Variants in VAT1L observed in about 807,000 individuals in gnomAD.
The protein encoded by VAT1L is vesicle amine transport 1 like.
VAT1L carries 34 observed loss-of-function variants against 44.1 expected under a neutral mutation model. That is an observed-to-expected ratio of 0.77 (90% CI 0.59 to 1.03). VAT1L has a LOEUF of 1.03. Among genes scored for constraint, VAT1L ranks in the 50% least tolerant of loss-of-function variants. VAT1L has a pLI of 0.00. For missense variants in VAT1L, 615 were observed against 538.8 expected (o/e 1.14, Z -1.40); for synonymous variants, 253 against 202.2 (o/e 1.25, Z -2.13).
At chr16:77,974,490 A>C (rs1361968454) in intron 8 of VAT1L, among the ~76,000 whole-genome samples, 1 of 152,178 alleles carries the variant, frequency 6.6e-6, no homozygotes. Context: ...ATGCTGAAAA[A>C]TCCACCTTTC....
rs1567497956 is a variant in VAT1L at position 77,884,755 on chromosome 16, C to A, written c.1030C>A (p.Gln344Lys). 2.5e-6 allele frequency: 4 copies of A among 1,586,540 alleles called. No individual in the cohort carries two copies. Among genetic ancestry groups the A allele is most frequent in the Non-Finnish European group, 3.4e-6 (4 of 1,167,182 alleles). Residue 344 changes from glutamine (Q) to lysine (K), a missense_variant, in exon 7 of 9, where the codon CAG becomes AAG. Coordinates refer to ENST00000302536, the MANE Select transcript of VAT1L (RefSeq NM_020927.3). The surrounding 1 kb of genome is among the most constrained non-coding windows in gnomAD (Gnocchi z 4.5). ...GGAAAAACTCATAGGGCTCTACAAC[C>A]AGAAGAAGATCAAGCCTGTGGTGGA... The part of the protein sequence containing the change: ...VVEKLIGLYN[Q>K]KKIKPVVDSL...
At chr16:77,894,433 C>T (rs529457217) in intron 7 of VAT1L, among the ~76,000 whole-genome samples, 108 of 152,270 alleles carry the variant, frequency 7.1e-4, no homozygotes, top group African/African-American at 2.5e-3. Flanking sequence ...GACAGGCCAA[C>T]AGCCAGCACA....
chr16:77,902,474 C>G (rs1033324563), intron 7 of VAT1L, among the ~76,000 whole-genome samples: 1 of 151,918 alleles, frequency 6.6e-6, no homozygotes, highest in Non-Finnish European at 1.5e-5. Context: ...GAATTAAAAT[C>G]AAAACCAATT....
At chr16:77,941,313 T>C (rs2017880574) in intron 7 of VAT1L, among the ~76,000 whole-genome samples, 3 of 152,304 alleles carry the variant, frequency 2.0e-5, no homozygotes, top group Admixed American at 2.0e-4. Flanking sequence ...TAGAATCTCC[T>C]GCTGCCATTC....
chr16:77,898,065 T>TC (rs1567501942), intron 7 of VAT1L, among the ~76,000 whole-genome samples: 6 of 152,100 alleles, frequency 3.9e-5, no homozygotes, highest in African/African-American at 1.4e-4. Context: ...GCATCTCTCT[T>TC]AGGTCTGGCA....
chr16:77,859,079 G>A (rs1282762942), intron 3 of VAT1L, among the ~76,000 whole-genome samples: 2 of 151,488 alleles, frequency 1.3e-5, no homozygotes, highest in African/African-American at 2.4e-5. Context: ...AGGTTGTGGT[G>A]AGCTAAGATC....
At chr16:77,917,753 G>C (rs1400818855) in intron 7 of VAT1L, among the ~76,000 whole-genome samples, 1 of 152,154 alleles carries the variant, frequency 6.6e-6, no homozygotes, top group Non-Finnish European at 1.5e-5. Context: ...GAATGTAAGA[G>C]AGATTATTAC....
intron 1 of VAT1L, among the ~76,000 whole-genome samples, chr16:77,798,167 ACTTCT>A (rs1193182636): frequency 1.3e-5 from 2 of 152,110 alleles, no homozygotes; most frequent in Non-Finnish European, 2.9e-5. Flanking sequence ...CTCACTCTTG[ACTTCT>A]CTAAATAACT....
chr16:77,877,512 CAAAA>C (rs55704400), intron 5 of VAT1L, among the ~76,000 whole-genome samples: 1,018 of 86,066 alleles, frequency 0.012, 1 homozygote, highest in African/African-American at 0.04. Context: ...GACTCTGTCT[CAAAA>C]AAAAAAAAAA....
intron 3 of VAT1L, among the ~76,000 whole-genome samples, chr16:77,839,226 A>G (rs1441237386): frequency 2.0e-5 from 3 of 152,022 alleles, no homozygotes; most frequent in Non-Finnish European, 4.4e-5. Flanking sequence ...GGGAAAGGAT[A>G]CAGTGTTTTA....
At chr16:77,820,303 A>T (rs1026962800) in intron 2 of VAT1L, among the ~76,000 whole-genome samples, 1 of 152,168 alleles carries the variant, frequency 6.6e-6, no homozygotes, top group African/African-American at 2.4e-5. Flanking sequence ...AATATATTAG[A>T]ACTAAGAAAA....
At chr16:77,859,742 C>T (rs1325948173) in intron 3 of VAT1L, among the ~76,000 whole-genome samples, 3 of 152,080 alleles carry the variant, frequency 2.0e-5, no homozygotes, top group African/African-American at 4.8e-5. Flanking sequence ...AATATAGGGA[C>T]GTGGGGTTGA....
chr16:77,971,858 G>A lies in VAT1L; in HGVS notation c.1086G>A (p.Glu362=). The change falls in exon 8 of 9, where the codon GAG becomes GAA. Residue 362 remains glutamate, a synonymous_variant. Transcript: ENST00000302536. The part of the protein sequence containing the change: ...DSLWALEEVK[E]AMQRIHDRGN... ...CTCACCTTTTCGCGCAGGTGAAGGA[G>A]GCCATGCAGCGGATTCACGACCGAG... is the stretch of plus-strand genomic sequence containing the variant. 1 of 1,613,644 alleles carries A rather than the reference G, an allele frequency of 6.2e-7. No individual in the cohort carries two copies. Among genetic ancestry groups the A allele is most frequent in the Middle Eastern group, 1.7e-4 (1 of 6,056 alleles).
chr16:77,865,682 A>G (rs1203482841), intron 4 of VAT1L, among the ~76,000 whole-genome samples: 1 of 152,196 alleles, frequency 6.6e-6, no homozygotes, highest in East Asian at 1.9e-4. Context: ...GAATTGAGGG[A>G]TGAGAAGTTG....
At chr16:77,903,569 C>G (rs977279201) in intron 7 of VAT1L, among the ~76,000 whole-genome samples, 2 of 152,036 alleles carry the variant, frequency 1.3e-5, no homozygotes, top group East Asian at 1.9e-4. Context: ...AATCACAGGC[C>G]CAAATATCTT....
At chr16:77,894,733 T>C (rs2017303665) in intron 7 of VAT1L, among the ~76,000 whole-genome samples, 1 of 152,176 alleles carries the variant, frequency 6.6e-6, no homozygotes, top group African/African-American at 2.4e-5. Context: ...AAAGCCGATA[T>C]AGAGATATCA....
chr16:77,869,620 G>A (rs1240569873), intron 4 of VAT1L, among the ~76,000 whole-genome samples: 2 of 152,064 alleles, frequency 1.3e-5, no homozygotes, highest in Non-Finnish European at 2.9e-5. Context: ...AGTGAGCTGT[G>A]GGCATGTCAC....
intron 4 of VAT1L, among the ~76,000 whole-genome samples, chr16:77,867,231 CTT>C (rs1341296846): frequency 6.6e-6 from 1 of 152,134 alleles, no homozygotes; most frequent in Admixed American, 6.5e-5. Flanking sequence ...CTCAAGGAAA[CTT>C]TTGGGCGTGA....
rs200017914 is a variant in VAT1L, at chr16:77,816,935, T to A, written c.248T>A (p.Ile83Asn). The A allele has an allele frequency of 1.2e-6, 2 of 1,613,642 alleles. No homozygotes were observed. Among genetic ancestry groups the A allele is most frequent in the Non-Finnish European group, 1.7e-6 (2 of 1,179,792 alleles). The change falls in exon 2 of 9, where the codon ATT (isoleucine) becomes AAT (asparagine). Residue 83 changes from isoleucine (I) to asparagine (N), a missense_variant. By Grantham distance (149) the Ile-to-Asn change is moderately radical. Coordinates refer to ENST00000302536, the MANE Select transcript of VAT1L (RefSeq NM_020927.3). The stretch of plus-strand genomic sequence containing the variant: ...GCTCTTTACAGTGGATTAAACTTCA[T>A]TGACTTGATGGTGCGACAAGGGAAT... Reference protein sequence around the residue: ...IRVKACGLNFIDLMVRQGNID... With the variant: ...IRVKACGLNFNDLMVRQGNID...
Sources: allele counts gnomAD v4.1 joint callset (sites outside exome capture counted in the v4.1 genomes callset), GRCh38; gene constraint gnomAD v4.1.1; non-coding constraint Gnocchi (gnomAD v3.1); transcripts MANE v1.5; gene names NCBI Gene and HGNC (gene_info 2026-07-23, HGNC 2026-07-21).